BRSK1: variants seen among roughly 807,000 people sequenced by gnomAD.
BRSK1 encodes serine/threonine-protein kinase BRSK1.
A neutral mutation model predicts 86.2 loss-of-function variants in BRSK1; 17 were observed. The observed-to-expected ratio is 0.20, with a 90% CI of 0.14 to 0.30. The LOEUF is 0.30. Among genes scored for constraint, BRSK1 ranks in the 10% least tolerant of loss-of-function variants. The probability of loss-of-function intolerance (pLI) is 1.00; values close to 1 mark genes in which losing one functional copy is unlikely to be tolerated. For synonymous variants in BRSK1, 464 were observed against 440.1 expected (o/e 1.05, Z -0.68); for missense variants, 719 against 1,071.9 (o/e 0.67, Z 4.60).
chr19:55,307,018 G>A (rs144825318), intron 17 of BRSK1, among the ~76,000 whole-genome samples: 150 of 152,306 alleles, frequency 9.8e-4, no homozygotes, highest in Non-Finnish European at 1.8e-3. Flanking sequence ...ACCAGTCGAG[G>A]CTTGGCACAA....
At position 55,310,289 on chromosome 19, in the gene BRSK1, C is replaced by A. The variant is rs1429183194; in HGVS notation, c.2179+1561C>A. ...GGCAGAGACTGTTTCCTTGTGTGTT[C>A]CAGTTCCTAGGCGCTCTGGTTAAGG... On this transcript the variant is annotated intron_variant, in intron 18 of 18. Coordinates refer to ENST00000309383, the MANE Select transcript of BRSK1 (RefSeq NM_032430.2). The surrounding 1 kb of genome is among the most constrained non-coding windows in gnomAD (Gnocchi z 5.0). 5.3e-5 allele frequency among the ~76,000 whole-genome samples: 8 copies of A among 152,168 alleles called. No homozygotes were observed. Among genetic ancestry groups the A allele is most frequent in the Non-Finnish European group, 2.9e-5 (2 of 68,024 alleles).
chr19:55,308,712 C>T lies in BRSK1; in HGVS notation c.2163C>T (p.Ser721=), dbSNP rs143699775. 386 of 1,573,932 alleles carry T rather than the reference C, an allele frequency of 2.5e-4. No homozygotes were observed. Among genetic ancestry groups the T allele is most frequent in the Non-Finnish European group, 3.1e-4 (357 of 1,160,666 alleles). ...AQLLSTHDQP[S]VQALADEKNG... is the part of the protein sequence containing the mutation. ...TCCTGAGCACTCATGACCAGCCCTC[C>T]GTGCAGGCCCTGGCAGGTGGGTGGT... The change falls in exon 18 of 19, where the codon TCC becomes TCT. Residue 721 remains serine, a synonymous_variant. Coordinates refer to ENST00000309383, the MANE Select transcript of BRSK1 (RefSeq NM_032430.2).
In BRSK1 at chr19:55,302,509, G is replaced by A. The variant is rs1413707097; in HGVS notation, c.858-188G>A. On this transcript the variant is annotated intron_variant, in intron 9 of 18. Transcript: ENST00000309383. The surrounding 1 kb of genome is among the most constrained non-coding windows in gnomAD (Gnocchi z 6.3). ...CTGGACCCCTCGGTCGGAGGGAAAA[G>A]GGGCTGGAGGTCTGGACTCCTGGGT... The A allele has an allele frequency of 2.7e-6, 2 of 738,266 alleles. No homozygotes were observed. The highest frequency in any genetic ancestry group is 2.7e-5 in the East Asian group (1 of 37,324). The allele number at this position is 738,266 out of a possible 1,614,324, so 45.7% of individuals were successfully genotyped here.
intron 7 of BRSK1, among the ~76,000 whole-genome samples, chr19:55,300,856 GA>G (rs1043197311): frequency 2.6e-5 from 4 of 152,134 alleles, no homozygotes; most frequent in African/African-American, 9.6e-5. Context: ...AAGAAAGAAA[GA>G]AAGAAAAGAA....
intron 7 of BRSK1, among the ~76,000 whole-genome samples, chr19:55,299,825 C>G (rs531596573): frequency 3.9e-5 from 6 of 152,126 alleles, no homozygotes; most frequent in Non-Finnish European, 7.4e-5. Context: ...ACCCTAAGAT[C>G]GGCATTCAGA....
rs531617189 is a variant in BRSK1 at position 55,295,338 on chromosome 19, G to A, written c.678+941G>A. Among the ~76,000 whole-genome samples the A allele has an allele frequency of 2.0e-5, 3 of 152,162 alleles. No homozygotes were observed. The East Asian group carries it at 5.8e-4, about 29-fold the overall frequency. ...GGGTTTCGCCTTGTTTCCCTGGTCG[G>A]TCTCAAACTCCTGGGCTCAAGTGAT... is the stretch of plus-strand genomic sequence containing the variant. On this transcript the variant is annotated intron_variant, in intron 7 of 18. Coordinates refer to ENST00000309383, the MANE Select transcript of BRSK1 (RefSeq NM_032430.2).
rs760033577 is a variant in BRSK1 at position 55,294,411 on chromosome 19, A to C, written c.678+14A>C. The C allele has an allele frequency of 6.2e-7, 1 of 1,612,668 alleles. No homozygotes were observed. The highest frequency in any genetic ancestry group is 8.5e-7 in the Non-Finnish European group (1 of 1,179,486). ...GCCCTGCTCGTGGTAAGGCGCCCTC[A>C]CCTCTCCTGTCATTTCTAGATCAAT... On this transcript the variant is annotated intron_variant, in intron 7 of 18. Coordinates refer to ENST00000309383, the MANE Select transcript of BRSK1 (RefSeq NM_032430.2). This position sits in a 1 kb window ranked among gnomAD's most constrained non-coding sequence, Gnocchi z 4.9.
intron 1 of BRSK1, 137 bp downstream of exon 1, chr19:55,284,715 C>T: frequency 2.7e-6 from 2 of 739,500 alleles, no homozygotes; most frequent in South Asian, 6.6e-5. Flanking sequence ...ACTTGGGATT[C>T]AGACTCCTGG....
chr19:55,299,837 G>T (rs1026194017), intron 7 of BRSK1, among the ~76,000 whole-genome samples: 22 of 152,176 alleles, frequency 1.4e-4, no homozygotes, highest in Admixed American at 1.0e-3. Context: ...GCATTCAGAG[G>T]TGCCTTCTCT....
At position 55,305,321 on chromosome 19, in the gene BRSK1, T is replaced by G; in HGVS notation, c.1718T>G (p.Val573Gly). Residue 573 changes from valine to glycine, a missense_variant and splice_region_variant, in exon 15 of 19, where the codon GTC becomes GGC. Coordinates refer to ENST00000309383, the MANE Select transcript of BRSK1 (RefSeq NM_032430.2). The stretch of plus-strand genomic sequence containing the variant: ...ACGTTCTCTGCCTTCCCCCTACCAG[T>G]CCCTACCGCTGAGGAGATGTCCAGC... Reference protein sequence around the residue: ...SPRFHRRKMQVPTAEEMSSLT... With the variant: ...SPRFHRRKMQGPTAEEMSSLT... The G allele has an allele frequency of 6.2e-7, 1 of 1,613,944 alleles. No individual in the cohort carries two copies. Among genetic ancestry groups the G allele is most frequent in the Non-Finnish European group, 8.5e-7 (1 of 1,179,978 alleles).
Position 55,305,341 on chromosome 19 carries a change from T to G in BRSK1, c.1738T>G (p.Ser580Ala). ...ACCAGTCCCTACCGCTGAGGAGATG[T>G]CCAGCTTGACGCCAGAGTCCTCCCC... Reference protein sequence around the residue: ...KMQVPTAEEMSSLTPESSPEL... With the variant: ...KMQVPTAEEMASLTPESSPEL... Residue 580 changes from serine to alanine, a missense_variant, in exon 15 of 19, where the codon TCC (serine) becomes GCC (alanine). Ser to Ala is a moderately conservative substitution (Grantham distance 99). Transcript: ENST00000309383. The G allele has an allele frequency of 6.2e-7, 1 of 1,614,124 alleles. No individual in the cohort carries two copies. The highest frequency in any genetic ancestry group is 8.5e-7 in the Non-Finnish European group (1 of 1,180,016).
Position 55,305,311 on chromosome 19 carries a change from C to T in BRSK1, c.1718-10C>T, listed in dbSNP as rs1451129754. 1.2e-6 allele frequency: 2 copies of T among 1,613,850 alleles called. No individual in the cohort carries two copies. Among genetic ancestry groups the T allele is most frequent in the East Asian group, 4.5e-5 (2 of 44,880 alleles). The stretch of plus-strand genomic sequence containing the variant: ...GGTGTTGACCACGTTCTCTGCCTTC[C>T]CCCTACCAGTCCCTACCGCTGAGGA... On this transcript the variant is annotated splice_polypyrimidine_tract_variant and intron_variant, in intron 14 of 18. Coordinates refer to ENST00000309383, the MANE Select transcript of BRSK1 (RefSeq NM_032430.2).
Position 55,303,235 on chromosome 19 carries a change from G to A in BRSK1, c.1029-76G>A. The A allele has an allele frequency of 8.5e-7, 1 of 1,179,100 alleles. No homozygotes were observed. Among genetic ancestry groups the A allele is most frequent in the Non-Finnish European group, 1.3e-6 (1 of 788,302 alleles). 73.0% of individuals were successfully genotyped at this position (1,179,100 alleles called of 1,614,324 possible). On this transcript the variant is annotated intron_variant, in intron 10 of 18. Coordinates refer to ENST00000309383, the MANE Select transcript of BRSK1 (RefSeq NM_032430.2). This position sits in a 1 kb window ranked among gnomAD's most constrained non-coding sequence, Gnocchi z 5.1. ...ATGGGCAGAAATACAGGGAGCGGAGGAGACCTCCTCTGAGCATTGATGTTG... is the reference window on the plus strand; with the variant it reads ...ATGGGCAGAAATACAGGGAGCGGAGAAGACCTCCTCTGAGCATTGATGTTG...
At chr19:55,284,806 G>A (rs1471273886) in intron 1 of BRSK1, among the ~76,000 whole-genome samples, 1 of 151,980 alleles carries the variant, frequency 6.6e-6, no homozygotes, top group Non-Finnish European at 1.5e-5. Context: ...TGGGTCTGAG[G>A]GAGGAGGGGC....
At chr19:55,285,032 G>A (rs2088288724) in intron 1 of BRSK1, among the ~76,000 whole-genome samples, 2 of 151,804 alleles carry the variant, frequency 1.3e-5, no homozygotes, top group African/African-American at 2.4e-5. Flanking sequence ...GAGGGAGGAG[G>A]GGCTGGGGGT....
At position 55,287,330 on chromosome 19, in the gene BRSK1, C is replaced by T. The variant is rs1020617153; in HGVS notation, c.317+31C>T. ...TATTTATAGACACCCAGCCCTACCC[C>T]ATCCTCCCTCTCCAGGTTACCAGGG... On this transcript the variant is annotated intron_variant, in intron 3 of 18. Coordinates refer to ENST00000309383, the MANE Select transcript of BRSK1 (RefSeq NM_032430.2). This position sits in a 1 kb window ranked among gnomAD's most constrained non-coding sequence, Gnocchi z 5.3. 2 of 1,600,916 alleles carry T rather than the reference C, an allele frequency of 1.2e-6. No homozygotes were observed. Among genetic ancestry groups the T allele is most frequent in the African/African-American group, 1.3e-5 (1 of 74,650 alleles).
intron 7 of BRSK1, among the ~76,000 whole-genome samples, chr19:55,296,442 A>T (rs2088488224): frequency 6.6e-6 from 1 of 152,164 alleles, no homozygotes; most frequent in Non-Finnish European, 1.5e-5. Context: ...TCACGCCAGT[A>T]ATCCCAGCAC....
intron 4 of BRSK1, among the ~76,000 whole-genome samples, chr19:55,293,562 C>T (rs1234093799): frequency 6.6e-6 from 1 of 151,414 alleles, no homozygotes; most frequent in Non-Finnish European, 1.5e-5. Flanking sequence ...CCTGTAATCC[C>T]AGCACTTTGA....
chr19:55,312,253 G>T lies in BRSK1; in HGVS notation c.*185G>T, dbSNP rs957925608. 7 of 407,664 alleles carry T rather than the reference G, an allele frequency of 1.7e-5. No homozygotes were observed. The highest frequency in any genetic ancestry group is 1.0e-4 in the African/African-American group (5 of 48,494). 25.3% of individuals were successfully genotyped at this position (407,664 alleles called of 1,614,324 possible). A position where few individuals can be genotyped will look rare whatever the true frequency, so the allele number is the denominator to read the frequency against. ...TGGGGGTGGTTCTAGGGGAACAGGG[G>T]GCGGGGGAGCTGTTTCTATTTTATT... On this transcript the variant is annotated 3_prime_UTR_variant, in exon 19 of 19. Coordinates refer to ENST00000309383, the MANE Select transcript of BRSK1 (RefSeq NM_032430.2).
Sources: gnomAD v4.1 joint callset for allele counts (sites outside exome capture counted in the v4.1 genomes callset) on GRCh38, gnomAD v4.1.1 for gene constraint, Gnocchi (gnomAD v3.1) non-coding constraint, MANE v1.5 for transcripts, NCBI Gene and HGNC (gene_info 2026-07-23, HGNC 2026-07-21) for gene names.